The following LAMC3 variants were observed in gnomAD, a reference collection of about 807,000 sequenced individuals.
The protein encoded by LAMC3 is laminin subunit gamma-3.
LAMC3 carries 128 observed loss-of-function variants against 173.8 expected under a neutral mutation model. The observed-to-expected ratio is 0.74, with a 90% CI of 0.64 to 0.85. LAMC3 has a LOEUF of 0.85. LAMC3 is among the 40% of genes least tolerant of loss of function. The probability of loss-of-function intolerance (pLI) is 0.00; values close to 1 mark genes in which losing one functional copy is unlikely to be tolerated. For synonymous variants in LAMC3, 897 were observed against 909.1 expected (o/e 0.99, Z 0.24); for missense variants, 2,022 against 2,156.0 (o/e 0.94, Z 1.23).
At chr9:131,090,224 C>T (rs780290748) in intron 27 of LAMC3, among the ~76,000 whole-genome samples, 2 of 152,164 alleles carry the variant, frequency 1.3e-5, no homozygotes, top group Admixed American at 6.5e-5. Context: ...AAGGCCCTGT[C>T]GTGGAGCAGA....
chr9:131,033,515 G>A (rs553178731), intron 3 of LAMC3, among the ~76,000 whole-genome samples: 1 of 152,122 alleles, frequency 6.6e-6, no homozygotes, highest in South Asian at 2.1e-4. Context: ...GAGGGCAGGC[G>A]GGTGGGCGTG....
At chr9:131,068,887 C>G (rs761415656) in intron 15 of LAMC3, 21 bp from the exon 16 acceptor site, 1 of 1,613,746 alleles carries the variant, frequency 6.2e-7, no homozygotes, top group South Asian at 1.1e-5. Flanking sequence ...GCCTCAGACC[C>G]AGTTCCTTCC....
At chr9:131,058,033 G>A (rs1222987279) in intron 12 of LAMC3, among the ~76,000 whole-genome samples, 3 of 152,210 alleles carry the variant, frequency 2.0e-5, no homozygotes, top group Non-Finnish European at 4.4e-5. Flanking sequence ...TGGCAGAGCC[G>A]TGCCTCCCTC....
rs1288882897 is a variant in LAMC3, at chr9:131,026,445, C to T, written c.534C>T (p.Tyr178=). 1 of 1,613,678 alleles carries T rather than the reference C, an allele frequency of 6.2e-7. No individual in the cohort carries two copies. The highest frequency in any genetic ancestry group is 8.5e-7 in the Non-Finnish European group (1 of 1,179,892). Residue 178 remains tyrosine (Y), a synonymous_variant, in exon 2 of 28, where the codon TAC becomes TAT. Transcript: ENST00000361069. The surrounding 1 kb of genome is among the most constrained non-coding windows in gnomAD (Gnocchi z 4.8). ...CCTACGGCCGGCCCGAGGGCCAGTA[C>T]CTGCGCCCCGGCGAGGACGAGCGCG... The part of the protein sequence containing the change: ...QKTYGRPEGQ[Y]LRPGEDERVA...
intron 17 of LAMC3, among the ~76,000 whole-genome samples, chr9:131,070,765 A>G (rs931056152): frequency 3.3e-5 from 5 of 152,202 alleles, no homozygotes; most frequent in African/African-American, 4.8e-5. Flanking sequence ...CCCACTGTGA[A>G]TGGGCAGCCC....
rs113391659 is a variant in LAMC3, at chr9:131,054,736, C to A, written c.1939+1771C>A. 5.7e-3 allele frequency among the ~76,000 whole-genome samples: 833 copies of A among 147,120 alleles called. 9 individuals are homozygous for A. Among genetic ancestry groups the A allele is most frequent in the Admixed American group, 6.7e-3 (99 of 14,742 alleles). ...CTCCAGCCTGGGTAGCAGAGCCAGA[C>A]CTTGTCTCAAAGAAAGAAAGAAAAA... On this transcript the variant is annotated intron_variant, in intron 11 of 27. Coordinates refer to ENST00000361069, the MANE Select transcript of LAMC3 (RefSeq NM_006059.4).
intron 8 of LAMC3, 123 bp from the exon 9 acceptor site, chr9:131,048,897 C>A: frequency 1.6e-6 from 1 of 621,264 alleles, no homozygotes. Flanking sequence ...GATCCGGGTC[C>A]CTGAGCTTTC....
chr9:131,062,063 T>G (rs1829837958), intron 13 of LAMC3, among the ~76,000 whole-genome samples: 1 of 151,688 alleles, frequency 6.6e-6, no homozygotes, highest in Non-Finnish European at 1.5e-5. Flanking sequence ...AAAAAAATTT[T>G]TTTTTAAATA....
chr9:131,033,049 G>A (rs929874883), intron 3 of LAMC3, among the ~76,000 whole-genome samples: 4 of 152,142 alleles, frequency 2.6e-5, no homozygotes, highest in African/African-American at 9.7e-5. Context: ...CCTGGTCCTG[G>A]TCCTATGCGC....
intron 13 of LAMC3, among the ~76,000 whole-genome samples, 183 bp from the exon 14 acceptor site, chr9:131,066,777 C>T (rs77233407): frequency 5.3e-5 from 8 of 152,268 alleles, no homozygotes; most frequent in Admixed American, 2.0e-4. Flanking sequence ...CTCCTAGAGG[C>T]GCAGTGGCTT....
At chr9:131,016,431 A>G (rs778267762) in intron 1 of LAMC3, among the ~76,000 whole-genome samples, 1 of 152,224 alleles carries the variant, frequency 6.6e-6, no homozygotes. Flanking sequence ...GGAAAAGTAC[A>G]TGTCAGCCCC....
In LAMC3 at chr9:131,093,105, C is replaced by G. The variant is rs563202951; in HGVS notation, c.*1318C>G. ...TCCCCGGCTGGTGGGCAGCCAGGGC[C>G]CTGGCTGTGGGTGTGCATATGACAC... On this transcript the variant is annotated 3_prime_UTR_variant, in exon 28 of 28. Coordinates refer to ENST00000361069, the MANE Select transcript of LAMC3 (RefSeq NM_006059.4). The G allele has an allele frequency of 6.6e-6, 1 of 152,334 alleles. No individual in the cohort carries two copies. Among genetic ancestry groups the G allele is most frequent in the African/African-American group, 2.4e-5 (1 of 41,552 alleles). 9.4% of individuals were successfully genotyped at this position (152,334 alleles called of 1,614,324 possible).
intron 1 of LAMC3, among the ~76,000 whole-genome samples, chr9:131,016,578 A>G (rs1482301048): frequency 6.6e-6 from 1 of 152,220 alleles, no homozygotes; most frequent in Non-Finnish European, 1.5e-5. Context: ...CGTTCTTTAT[A>G]GTAGGGAAAA....
At chr9:131,057,445 G>A (rs1222296354) in intron 12 of LAMC3, among the ~76,000 whole-genome samples, 1 of 152,212 alleles carries the variant, frequency 6.6e-6, no homozygotes, top group East Asian at 1.9e-4. Context: ...CTTCTCCCTG[G>A]GCTGGCCCTT....
At chr9:131,087,875 T>C (rs1830359726) in intron 27 of LAMC3, 58 bp downstream of exon 27, 2 of 1,353,278 alleles carry the variant, frequency 1.5e-6, no homozygotes, top group African/African-American at 2.9e-5. Context: ...ACCTCTAGGA[T>C]CTTCCTGTGA....
chr9:131,092,184 G>A lies in LAMC3; in HGVS notation c.*397G>A, dbSNP rs557027871. 11 of 273,016 alleles carry A rather than the reference G, an allele frequency of 4.0e-5. No individual in the cohort carries two copies. The highest frequency in any genetic ancestry group is 3.5e-4 in the South Asian group (8 of 22,806). 16.9% of individuals were successfully genotyped at this position (273,016 alleles called of 1,614,324 possible). A position where few individuals can be genotyped will look rare whatever the true frequency, so the allele number is the denominator to read the frequency against. ...TGTTGTGAGAGCCACCTGTGTGCTG[G>A]ACACCCTCTGGATGTTGGGCAAGTT... On this transcript the variant is annotated 3_prime_UTR_variant, in exon 28 of 28. Coordinates refer to ENST00000361069, the MANE Select transcript of LAMC3 (RefSeq NM_006059.4).
Position 131,068,239 on chromosome 9 carries a change from G to A in LAMC3, c.2747+8G>A. On this transcript the variant is annotated splice_region_variant and intron_variant, in intron 15 of 27. Transcript: ENST00000361069. ...TGGGAGGGGCTGCCGGAGGTAGGTAGGGTGAGACTGCCGGTGCCCTGGGGA... is the reference window on the plus strand; with the variant it reads ...TGGGAGGGGCTGCCGGAGGTAGGTAAGGTGAGACTGCCGGTGCCCTGGGGA... 1 of 1,606,662 alleles carries A rather than the reference G, an allele frequency of 6.2e-7. No individual in the cohort carries two copies. Among genetic ancestry groups the A allele is most frequent in the South Asian group, 1.1e-5 (1 of 91,018 alleles).
intron 1 of LAMC3, among the ~76,000 whole-genome samples, chr9:131,021,636 A>G (rs978768623): frequency 2.0e-5 from 3 of 152,070 alleles, no homozygotes; most frequent in Non-Finnish European, 4.4e-5. Flanking sequence ...TTCAGTTCCA[A>G]CACGATCTAG....
Position 131,026,620 on chromosome 9 carries a change from G to A in LAMC3, c.678+31G>A, listed in dbSNP as rs1459452792. The A allele has an allele frequency of 3.3e-6, 5 of 1,536,254 alleles. No individual in the cohort carries two copies. The highest frequency in any genetic ancestry group is 1.2e-5 in the South Asian group (1 of 82,338). On this transcript the variant is annotated intron_variant, in intron 2 of 27. Coordinates refer to ENST00000361069, the MANE Select transcript of LAMC3 (RefSeq NM_006059.4). The surrounding 1 kb of genome is among the most constrained non-coding windows in gnomAD (Gnocchi z 4.8). ...GGAGGAGCGGGGCTTCGGAGGTTGG[G>A]ACGGGGTTGGGACTGGGTCACGGCA... is the stretch of plus-strand genomic sequence containing the variant.
Sources: gnomAD v4.1 joint callset for allele counts (sites outside exome capture counted in the v4.1 genomes callset) on GRCh38, gnomAD v4.1.1 for gene constraint, Gnocchi (gnomAD v3.1) non-coding constraint, MANE v1.5 for transcripts, NCBI Gene and HGNC (gene_info 2026-07-23, HGNC 2026-07-21) for gene names.